Variants in DNAH9 observed in about 807,000 individuals in gnomAD.
DNAH9 encodes the protein dynein axonemal heavy chain 9.
A neutral mutation model predicts 471.6 loss-of-function variants in DNAH9; 345 were observed. That is an observed-to-expected ratio of 0.73 (90% CI 0.67 to 0.80). The LOEUF is 0.80. DNAH9 is among the 30% of genes least tolerant of loss of function. DNAH9 has a pLI of 0.00. For missense variants in DNAH9, 5,407 were observed against 5,609.2 expected (o/e 0.96, Z 1.15); for synonymous variants, 2,093 against 2,123.6 (o/e 0.99, Z 0.40).
At chr17:11,951,160 A>T (rs919714423) in intron 67 of DNAH9, among the ~76,000 whole-genome samples, 2 of 152,232 alleles carry the variant, frequency 1.3e-5, no homozygotes, top group African/African-American at 4.8e-5. Context: ...TTGTAAAGGC[A>T]TTTTATAACC....
chr17:11,606,447 TCTTTTC>T lies in DNAH9; in HGVS notation c.418-1681_418-1676del, dbSNP rs1452601351. ...CAACTTTCTTTCTTTTCTTTTCTTT[TCTTTTC>T]TTTTTTTTTTTTTTGAGACAGAGTC... On this transcript the variant is annotated intron_variant, in intron 1 of 68. Transcript: ENST00000262442. 1.2e-3 allele frequency among the ~76,000 whole-genome samples: 124 copies of T among 102,052 alleles called. 7 individuals are homozygous for T. The highest frequency in any genetic ancestry group is 4.1e-3 in the African/African-American group (110 of 26,564). The allele number at this position is 102,052 out of a possible 152,430, so 67.0% of individuals were successfully genotyped here.
In DNAH9 at chr17:11,705,198, G is replaced by A; in HGVS notation, c.5552+13G>A. On this transcript the variant is annotated intron_variant, in intron 26 of 68. Transcript: ENST00000262442. ...CTTTGACTGACAGGTGAGCACTGGT[G>A]TCAACCACTGACAGCCTTACTGCTG... 1.2e-6 allele frequency: 2 copies of A among 1,613,052 alleles called. No individual in the cohort carries two copies. The highest frequency in any genetic ancestry group is 1.7e-6 in the Non-Finnish European group (2 of 1,179,212).
chr17:11,677,274 A>G (rs1221368974), intron 17 of DNAH9, among the ~76,000 whole-genome samples: 1 of 152,016 alleles, frequency 6.6e-6, no homozygotes, highest in Non-Finnish European at 1.5e-5. Context: ...TATATTGTCA[A>G]TTTCTCCTTG....
At chr17:11,685,865 C>T (rs547467135) in intron 19 of DNAH9, among the ~76,000 whole-genome samples, 3 of 143,982 alleles carry the variant, frequency 2.1e-5, no homozygotes, top group Non-Finnish European at 4.5e-5. Context: ...AGTGCAGTGA[C>T]AGGATCTCAG....
chr17:11,603,115 T>A (rs960136472), intron 1 of DNAH9, among the ~76,000 whole-genome samples: 1 of 152,198 alleles, frequency 6.6e-6, no homozygotes, highest in Non-Finnish European at 1.5e-5. Flanking sequence ...CTCTACATAC[T>A]TCATACCTGC....
At chr17:11,830,778 T>C (rs891508883) in intron 48 of DNAH9, among the ~76,000 whole-genome samples, 2 of 152,204 alleles carry the variant, frequency 1.3e-5, no homozygotes, top group Non-Finnish European at 1.5e-5. Flanking sequence ...AGGGCTTAAT[T>C]TGAACAGGGC....
At chr17:11,797,571 C>T (rs1969287156) in intron 42 of DNAH9, 26 bp from the exon 43 acceptor site, 1 of 1,582,292 alleles carries the variant, frequency 6.3e-7, no homozygotes, top group Non-Finnish European at 8.6e-7. Context: ...ATAATGAGGG[C>T]CCTTATTCCT....
chr17:11,854,019 T>G lies in DNAH9; in HGVS notation c.9524T>G (p.Leu3175Arg). 6.2e-7 allele frequency: 1 copy of G among 1,613,908 alleles called. No homozygotes were observed. Among genetic ancestry groups the G allele is most frequent in the Non-Finnish European group, 8.5e-7 (1 of 1,179,896 alleles). Reference protein sequence around the residue: ...NTLNKTNLTELKSFGSPPLAV... With the variant: ...NTLNKTNLTERKSFGSPPLAV... ...TTTTCCCAGACCAACCTGACAGAGC[T>G]GAAGTCATTTGGCTCTCCGCCTCTG... Residue 3175 changes from leucine (L) to arginine (R), a missense_variant, in exon 50 of 69, where the codon CTG (leucine) becomes CGG (arginine). Leu to Arg is a moderately radical substitution (Grantham distance 102). Coordinates refer to ENST00000262442, the MANE Select transcript of DNAH9 (RefSeq NM_001372.4).
chr17:11,614,426 G>A (rs1384456732), intron 4 of DNAH9, among the ~76,000 whole-genome samples: 2 of 152,144 alleles, frequency 1.3e-5, no homozygotes, highest in Non-Finnish European at 2.9e-5. Flanking sequence ...AGTATTGACT[G>A]AGCAGTAAAT....
chr17:11,874,307 T>G (rs1483361725), intron 52 of DNAH9, among the ~76,000 whole-genome samples: 2 of 150,926 alleles, frequency 1.3e-5, no homozygotes, highest in Non-Finnish European at 2.9e-5. Flanking sequence ...AGGCAGTGTC[T>G]AGGGCACACA....
At chr17:11,828,248 T>G (rs1250845731) in intron 48 of DNAH9, among the ~76,000 whole-genome samples, 2 of 151,746 alleles carry the variant, frequency 1.3e-5, no homozygotes, top group South Asian at 4.2e-4. Context: ...CCGAGGCGGG[T>G]GGATCACCTG....
chr17:11,865,944 A>T (rs1972036932), intron 50 of DNAH9, among the ~76,000 whole-genome samples: 1 of 152,076 alleles, frequency 6.6e-6, no homozygotes, highest in African/African-American at 2.4e-5. Context: ...AAAGTTTTTA[A>T]CTTCTTTGCC....
chr17:11,658,895 G>A (rs901768637), intron 14 of DNAH9, among the ~76,000 whole-genome samples: 2 of 151,782 alleles, frequency 1.3e-5, no homozygotes, highest in Non-Finnish European at 1.5e-5. Flanking sequence ...TATTTGCTCT[G>A]ATAATTTTAA....
At chr17:11,658,873 C>T (rs1179875803) in intron 14 of DNAH9, among the ~76,000 whole-genome samples, 2 of 151,826 alleles carry the variant, frequency 1.3e-5, no homozygotes, top group East Asian at 3.9e-4. Flanking sequence ...TTAATCTTTT[C>T]ATGTATTATA....
intron 26 of DNAH9, among the ~76,000 whole-genome samples, chr17:11,716,430 T>C: frequency 6.6e-6 from 1 of 152,038 alleles, no homozygotes; most frequent in Non-Finnish European, 1.5e-5. Flanking sequence ...AAAGCCCCAC[T>C]GACCCTGCCT....
chr17:11,825,775 A>G (rs1970468268), intron 48 of DNAH9, among the ~76,000 whole-genome samples: 1 of 152,240 alleles, frequency 6.6e-6, no homozygotes, highest in African/African-American at 2.4e-5. Flanking sequence ...GCTAAAAAGA[A>G]CAAGCCACAC....
Position 11,937,987 on chromosome 17 carries a change from C to T in DNAH9, c.12660+465C>T, listed in dbSNP as rs1232423542. On this transcript the variant is annotated intron_variant, in intron 66 of 68. Transcript: ENST00000262442. This position sits in a 1 kb window ranked among gnomAD's most constrained non-coding sequence, Gnocchi z 4.1. Reference sequence around the variant, plus strand: ...CTTCATAATGCAAACGCCTTCCCTTCGTGTGAATGGCTTCTAGTCCGAGAG... The same window carrying T: ...CTTCATAATGCAAACGCCTTCCCTTTGTGTGAATGGCTTCTAGTCCGAGAG... 1.3e-5 allele frequency among the ~76,000 whole-genome samples: 2 copies of T among 152,198 alleles called. No homozygotes were observed. The highest frequency in any genetic ancestry group is 4.8e-5 in the African/African-American group (2 of 41,442).
chr17:11,659,945 GTGCTGCAT>G (rs1206199008), intron 14 of DNAH9, among the ~76,000 whole-genome samples: 1 of 152,158 alleles, frequency 6.6e-6, no homozygotes, highest in South Asian at 2.1e-4. Flanking sequence ...GGGATCTGTA[GTGCTGCAT>G]CCTTTTTCAT....
chr17:11,796,583 C>T (rs1412512868), intron 42 of DNAH9, among the ~76,000 whole-genome samples: 1 of 152,202 alleles, frequency 6.6e-6, no homozygotes, highest in Non-Finnish European at 1.5e-5. Context: ...GTGACTTATG[C>T]CCTGGGACGT....
Sources: allele counts gnomAD v4.1 joint callset (sites outside exome capture counted in the v4.1 genomes callset), GRCh38; gene constraint gnomAD v4.1.1; non-coding constraint Gnocchi (gnomAD v3.1); transcripts MANE v1.5; gene names NCBI Gene and HGNC (gene_info 2026-07-23, HGNC 2026-07-21).